KDM3B: variants seen among roughly 807,000 people sequenced by gnomAD.
KDM3B encodes lysine demethylase 3B, also known as lysine-specific demethylase 3B.
In KDM3B, 10 loss-of-function variants were observed where a neutral mutation model predicts 170.0. The ratio of observed to expected loss-of-function variants is 0.06; its 90% CI spans 0.04 to 0.10. The LOEUF (loss-of-function observed/expected upper bound fraction) is 0.10. Among genes scored for constraint, KDM3B ranks in the 10% least tolerant of loss-of-function variants. The pLI is 1.00. For synonymous variants in KDM3B, 831 were observed against 834.8 expected (o/e 1.00, Z 0.08); for missense variants, 1,394 against 2,195.2 (o/e 0.64, Z 7.29).
intron 2 of KDM3B, chr5:138,374,340 AC>A (rs1173141086): frequency 1.4e-5 from 6 of 417,020 alleles, no homozygotes; most frequent in African/African-American, 1.1e-4. Context: ...TCGGCTCACC[AC>A]CCCGCCTCCC....
rs1030476722 is a variant in KDM3B at position 138,391,976 on chromosome 5, G to A, written c.2344G>A (p.Asp782Asn). The A allele has an allele frequency of 2.5e-6, 4 of 1,613,438 alleles. No individual in the cohort carries two copies. The highest frequency in any genetic ancestry group is 3.4e-6 in the Non-Finnish European group (4 of 1,179,376). Residue 782 changes from aspartate (D) to asparagine (N), a missense_variant, in exon 8 of 24, where the codon GAT (aspartate) becomes AAT (asparagine). Asp to Asn is a conservative substitution (Grantham distance 23, BLOSUM62 1). Coordinates refer to ENST00000314358, the MANE Select transcript of KDM3B (RefSeq NM_016604.4). This position sits in a 1 kb window ranked among gnomAD's most constrained non-coding sequence, Gnocchi z 5.0. ...AGGCGGCTTTCTGTCCTCCCCGGCA[G>A]ATTTTTCACAGGAGAACAAAGCTCC... ...HSGGFLSSPA[D>N]FSQENKAPFE...
chr5:138,366,413 C>A (rs1169808442), intron 1 of KDM3B, among the ~76,000 whole-genome samples: 1 of 151,930 alleles, frequency 6.6e-6, no homozygotes, highest in Non-Finnish European at 1.5e-5. Flanking sequence ...TCACTGTAGC[C>A]CTGACTTCCT....
rs1355632837 is a variant in KDM3B at position 138,435,992 on chromosome 5, A to G, written c.*292A>G. On this transcript the variant is annotated 3_prime_UTR_variant, in exon 24 of 24. Coordinates refer to ENST00000314358, the MANE Select transcript of KDM3B (RefSeq NM_016604.4). ...TGAACATGGCGGGGCTTTCCTGCAC[A>G]TTCTCCTGATTTGAGATTCACGGGC... is the stretch of plus-strand genomic sequence containing the variant. 1.2e-5 allele frequency: 4 copies of G among 345,548 alleles called. No individual in the cohort carries two copies. The highest frequency in any genetic ancestry group is 4.6e-5 in the Admixed American group (1 of 21,600). The allele number at this position is 345,548 out of a possible 1,614,324, so 21.4% of individuals were successfully genotyped here. A position where few individuals can be genotyped will look rare whatever the true frequency, so the allele number is the denominator to read the frequency against.
At chr5:138,429,726 G>T in intron 20 of KDM3B, 100 bp from the exon 21 acceptor site, 1 of 1,298,020 alleles carries the variant, frequency 7.7e-7, no homozygotes. Context: ...TCCAGAGATG[G>T]AGAAGAGTAA....
At chr5:138,371,689 G>T (rs1354378578) in intron 1 of KDM3B, among the ~76,000 whole-genome samples, 2 of 152,140 alleles carry the variant, frequency 1.3e-5, no homozygotes, top group Admixed American at 6.5e-5. Flanking sequence ...ATGCAGCTGG[G>T]TGTGGTGGCT....
chr5:138,413,129 T>G (rs1262978192), intron 11 of KDM3B, among the ~76,000 whole-genome samples: 2 of 152,168 alleles, frequency 1.3e-5, no homozygotes, highest in East Asian at 1.9e-4. Flanking sequence ...CTCATACCTG[T>G]AATCCCAGCA....
chr5:138,412,607 T>C (rs1289120605), intron 11 of KDM3B, among the ~76,000 whole-genome samples: 1 of 152,010 alleles, frequency 6.6e-6, no homozygotes, highest in Admixed American at 6.6e-5. Flanking sequence ...TGAGCCACGA[T>C]CGTGCCATTA....
intron 1 of KDM3B, among the ~76,000 whole-genome samples, chr5:138,354,800 A>G (rs575818058): frequency 1.1e-4 from 17 of 152,340 alleles, no homozygotes; most frequent in African/African-American, 3.8e-4. Context: ...GGCTGTGTGA[A>G]TGTAGAAGCA....
At chr5:138,370,256 C>T (rs976375822) in intron 1 of KDM3B, among the ~76,000 whole-genome samples, 11 of 152,148 alleles carry the variant, frequency 7.2e-5, no homozygotes, top group African/African-American at 2.7e-4. Context: ...ATGAAGCTTA[C>T]TTTTCTCATT....
chr5:138,405,968 C>A (rs1486506548), intron 11 of KDM3B, among the ~76,000 whole-genome samples: 2 of 152,118 alleles, frequency 1.3e-5, no homozygotes, highest in Non-Finnish European at 2.9e-5. Flanking sequence ...AGAAATATAG[C>A]TAGTAAGTCC....
chr5:138,424,711 A>G (rs1303773349), intron 16 of KDM3B, among the ~76,000 whole-genome samples: 3 of 152,172 alleles, frequency 2.0e-5, no homozygotes, highest in African/African-American at 4.8e-5. Context: ...CCCGGGAAGC[A>G]GAGGGTGCGG....
intron 4 of KDM3B, 75 bp downstream of exon 4, chr5:138,377,900 C>T: frequency 9.7e-7 from 1 of 1,034,498 alleles, no homozygotes; most frequent in Non-Finnish European, 1.5e-6. Context: ...GTATGGAATC[C>T]CATGCAACCT....
intron 6 of KDM3B, among the ~76,000 whole-genome samples, chr5:138,383,083 T>G (rs1762166160): frequency 6.6e-6 from 1 of 152,158 alleles, no homozygotes; most frequent in South Asian, 2.1e-4. Context: ...TATGTTGCTG[T>G]GAGCCAGGCT....
rs766668179 is a variant in KDM3B at position 138,391,171 on chromosome 5, A to G, written c.1539A>G (p.Gln513=). The change falls in exon 8 of 24, where the codon CAA becomes CAG. Residue 513 remains glutamine (Q), a synonymous_variant. Transcript: ENST00000314358. The surrounding 1 kb of genome is among the most constrained non-coding windows in gnomAD (Gnocchi z 5.0). The part of the protein sequence containing the change: ...LGFSFGCSSA[Q]EAQKDTDLSK... Reference sequence around the variant, plus strand: ...TCTCTTTTGGCTGTAGCTCTGCACAAGAGGCACAGAAAGACACTGATCTCT... The same window carrying G: ...TCTCTTTTGGCTGTAGCTCTGCACAGGAGGCACAGAAAGACACTGATCTCT... 10 of 1,614,046 alleles carry G rather than the reference A, an allele frequency of 6.2e-6. No individual in the cohort carries two copies. Among genetic ancestry groups the G allele is most frequent in the African/African-American group, 2.7e-5 (2 of 74,924 alleles).
rs1762696675 is a variant in KDM3B at position 138,401,610 on chromosome 5, G to A, written c.3199+1598G>A. 2.0e-5 allele frequency among the ~76,000 whole-genome samples: 3 copies of A among 152,166 alleles called. No homozygotes were observed. In the South Asian group the frequency reaches 6.2e-4, roughly 32 times the overall value. On this transcript the variant is annotated intron_variant, in intron 11 of 23. Coordinates refer to ENST00000314358, the MANE Select transcript of KDM3B (RefSeq NM_016604.4). ...TACAGTTTTTTTGTGTGAACGTATG[G>A]TTGCATTTCTCTTGAGTATATATAT... is the stretch of plus-strand genomic sequence containing the variant.
At position 138,436,502 on chromosome 5, in the gene KDM3B, A is replaced by T. The variant is rs940698107; in HGVS notation, c.*802A>T. The T allele has an allele frequency of 6.6e-6, 1 of 152,328 alleles. No homozygotes were observed. Among genetic ancestry groups the T allele is most frequent in the South Asian group, 2.1e-4 (1 of 4,828 alleles). 9.4% of individuals were successfully genotyped at this position (152,328 alleles called of 1,614,324 possible). A position where few individuals can be genotyped will look rare whatever the true frequency, so the allele number is the denominator to read the frequency against. Reference sequence around the variant, plus strand: ...CAAAATCAGCCAAAGCAGAATTTTTAAAAATTGGCTTTTTTAGGATTCTTT... The same window carrying T: ...CAAAATCAGCCAAAGCAGAATTTTTTAAAATTGGCTTTTTTAGGATTCTTT... On this transcript the variant is annotated 3_prime_UTR_variant, in exon 24 of 24. Coordinates refer to ENST00000314358, the MANE Select transcript of KDM3B (RefSeq NM_016604.4).
At chr5:138,390,911 A>C in intron 7 of KDM3B, 102 bp from the exon 8 acceptor site, 1 of 1,115,576 alleles carries the variant, frequency 9.0e-7, no homozygotes, top group East Asian at 2.5e-5. Flanking sequence ...AAGTTGATGG[A>C]CCCCCAAGAA....
chr5:138,387,904 A>AT (rs897842951), intron 7 of KDM3B, among the ~76,000 whole-genome samples: 4 of 152,036 alleles, frequency 2.6e-5, no homozygotes, highest in Admixed American at 2.0e-4. Context: ...ACACGGTGAA[A>AT]CCCCATCTCT....
At chr5:138,367,637 A>G (rs1163358750) in intron 1 of KDM3B, among the ~76,000 whole-genome samples, 1 of 152,204 alleles carries the variant, frequency 6.6e-6, no homozygotes, top group African/African-American at 2.4e-5. Flanking sequence ...ACCATTTGCT[A>G]CTTTTACTCT....
Sources: allele counts gnomAD v4.1 joint callset (sites outside exome capture counted in the v4.1 genomes callset), GRCh38; gene constraint gnomAD v4.1.1; non-coding constraint Gnocchi (gnomAD v3.1); transcripts MANE v1.5; gene names NCBI Gene and HGNC (gene_info 2026-07-23, HGNC 2026-07-21).